The following PCDH9 variants were observed in gnomAD, a reference collection of about 807,000 sequenced individuals.
The protein encoded by PCDH9 is protocadherin-9.
A neutral mutation model predicts 70.6 loss-of-function variants in PCDH9; 24 were observed. The ratio of observed to expected loss-of-function variants is 0.34; its 90% confidence interval spans 0.25 to 0.48. The LOEUF is 0.48. Ranked by LOEUF, PCDH9 falls within the 20% of genes least tolerant of loss-of-function variation. The pLI is 0.99. For missense variants in PCDH9, 1,281 were observed against 1,503.6 expected (o/e 0.85, Z 2.45); for synonymous variants, 562 against 558.5 (o/e 1.01, Z -0.09).
At chr13:66,636,075 G>A (rs1408620745) in intron 3 of PCDH9, among the ~76,000 whole-genome samples, 1 of 152,078 alleles carries the variant, frequency 6.6e-6, no homozygotes, top group Non-Finnish European at 1.5e-5. Flanking sequence ...TTTTGTTAAT[G>A]TGTATGTATG....
At chr13:66,649,124 T>C (rs968168964) in intron 3 of PCDH9, among the ~76,000 whole-genome samples, 2 of 151,996 alleles carry the variant, frequency 1.3e-5, no homozygotes, top group Non-Finnish European at 2.9e-5. Flanking sequence ...AGGTGGGGTT[T>C]GGGGGAGAAG....
intron 4 of PCDH9, among the ~76,000 whole-genome samples, chr13:66,446,341 G>T (rs939299179): frequency 4.6e-5 from 7 of 151,958 alleles, no homozygotes; most frequent in African/African-American, 1.7e-4. Flanking sequence ...AAAAATGGAA[G>T]ACAGCTGGAT....
intron 3 of PCDH9, among the ~76,000 whole-genome samples, chr13:66,813,354 T>C (rs909622486): frequency 2.0e-5 from 3 of 151,994 alleles, no homozygotes; most frequent in African/African-American, 4.8e-5. Flanking sequence ...ATATTAATAA[T>C]AGAGATTATT....
At chr13:66,652,313 A>G (rs916712177) in intron 3 of PCDH9, among the ~76,000 whole-genome samples, 2 of 152,150 alleles carry the variant, frequency 1.3e-5, no homozygotes, top group South Asian at 4.1e-4. Context: ...TATAGAAATC[A>G]GTAGCATTTA....
At chr13:66,645,580 G>A (rs925528832) in intron 3 of PCDH9, among the ~76,000 whole-genome samples, 4 of 152,016 alleles carry the variant, frequency 2.6e-5, no homozygotes, top group African/African-American at 7.2e-5. Context: ...ATTTGAAAAC[G>A]TGGAAAATGC....
At chr13:66,404,416 G>A (rs1452463027) in intron 4 of PCDH9, among the ~76,000 whole-genome samples, 1 of 152,144 alleles carries the variant, frequency 6.6e-6, no homozygotes, top group Non-Finnish European at 1.5e-5. Context: ...ATAAGGGAAG[G>A]GGGAGTTTCC....
At chr13:66,342,873 T>G (rs900919124) in intron 4 of PCDH9, among the ~76,000 whole-genome samples, 7 of 151,968 alleles carry the variant, frequency 4.6e-5, no homozygotes, top group South Asian at 2.1e-4. Context: ...CTCGAACTCC[T>G]GAGCTTGGAC....
At chr13:67,175,201 C>T in intron 2 of PCDH9, among the ~76,000 whole-genome samples, 1 of 152,138 alleles carries the variant, frequency 6.6e-6, no homozygotes, top group East Asian at 1.9e-4. Context: ...GTGTTTATTC[C>T]TGAGAGACTT....
chr13:67,128,380 C>T (rs373056589), intron 2 of PCDH9, among the ~76,000 whole-genome samples: 2 of 152,248 alleles, frequency 1.3e-5, no homozygotes, highest in South Asian at 2.1e-4. Flanking sequence ...CTGCCTCATT[C>T]AAAGTCAATG....
intron 4 of PCDH9, among the ~76,000 whole-genome samples, chr13:66,622,527 C>T (rs979426888): frequency 6.6e-6 from 1 of 152,184 alleles, no homozygotes; most frequent in Admixed American, 6.5e-5. Flanking sequence ...CACCCTGTGT[C>T]TAGCTCAGGG....
At chr13:67,075,467 T>C (rs1927822) in intron 2 of PCDH9, among the ~76,000 whole-genome samples, 26,096 of 152,124 alleles carry the variant, frequency 0.17, 2,617 homozygotes, top group Admixed American at 0.24. Flanking sequence ...TCAAACTTGC[T>C]TTGCCATTCT....
intron 4 of PCDH9, among the ~76,000 whole-genome samples, chr13:66,490,727 T>C (rs1959020617): frequency 6.6e-6 from 1 of 152,142 alleles, no homozygotes; most frequent in Non-Finnish European, 1.5e-5. Flanking sequence ...TTTAATAGAC[T>C]AATCAAAGCA....
intron 3 of PCDH9, among the ~76,000 whole-genome samples, chr13:66,799,313 T>C (rs1240529636): frequency 6.6e-6 from 1 of 152,146 alleles, no homozygotes; most frequent in Non-Finnish European, 1.5e-5. Flanking sequence ...GGAAAAGCAG[T>C]CAGCCTGTTG....
chr13:66,959,009 T>C (rs1015120146), intron 2 of PCDH9, among the ~76,000 whole-genome samples: 1 of 152,228 alleles, frequency 6.6e-6, no homozygotes, highest in Admixed American at 6.5e-5. Flanking sequence ...AGTACTTCAG[T>C]TTTAAATAAT....
intron 4 of PCDH9, among the ~76,000 whole-genome samples, chr13:66,605,958 T>C (rs961741613): frequency 1.3e-5 from 2 of 152,132 alleles, no homozygotes; most frequent in African/African-American, 4.8e-5. Flanking sequence ...AAGAGTCTAC[T>C]AGATTTGCAG....
chr13:67,157,239 A>G (rs531002332), intron 2 of PCDH9, among the ~76,000 whole-genome samples: 6 of 152,272 alleles, frequency 3.9e-5, no homozygotes, highest in Non-Finnish European at 8.8e-5. Flanking sequence ...CCTTGCCTCA[A>G]CGGTTTGCAT....
intron 3 of PCDH9, among the ~76,000 whole-genome samples, chr13:66,821,956 T>G (rs1400013462): frequency 6.6e-6 from 1 of 152,204 alleles, no homozygotes; most frequent in Non-Finnish European, 1.5e-5. Context: ...GCTGTCTATA[T>G]GAACATTGCT....
intron 4 of PCDH9, among the ~76,000 whole-genome samples, chr13:66,401,059 T>C (rs1957175916): frequency 6.6e-6 from 1 of 152,206 alleles, no homozygotes. Flanking sequence ...AAGTGCTTTT[T>C]TGACCTGGTG....
intron 3 of PCDH9, among the ~76,000 whole-genome samples, chr13:66,664,980 C>T (rs1337334868): frequency 6.6e-6 from 1 of 152,170 alleles, no homozygotes; most frequent in Admixed American, 6.5e-5. Context: ...AGTCTACTTA[C>T]ACAAGCTTTG....
Sources: allele counts gnomAD v4.1 joint callset (sites outside exome capture counted in the v4.1 genomes callset), GRCh38; gene constraint gnomAD v4.1.1; transcripts MANE v1.5; gene names NCBI Gene and HGNC (gene_info 2026-07-23, HGNC 2026-07-21).